The following CPEB2 variants were observed in gnomAD, a reference collection of about 807,000 sequenced individuals.
CPEB2 encodes cytoplasmic polyadenylation element binding protein 2.
In CPEB2, 56 loss-of-function variants were observed where a neutral mutation model predicts 93.6. That is an observed-to-expected ratio of 0.60 (90% CI 0.48 to 0.75). CPEB2 has a LOEUF of 0.75. Among genes scored for constraint, CPEB2 ranks in the 30% least tolerant of loss-of-function variants. CPEB2 has a pLI of 0.00. For missense variants in CPEB2, 1,579 were observed against 1,395.1 expected (o/e 1.13, Z -2.10); for synonymous variants, 764 against 586.3 (o/e 1.30, Z -4.38).
At chr4:15,010,419 A>AG (rs1302006214) in intron 3 of CPEB2, 1 of 152,118 alleles carries the variant, frequency 6.6e-6, no homozygotes, top group African/African-American at 2.4e-5. Flanking sequence ...AAGGCAGTGG[A>AG]GGTAGTATGT....
At chr4:15,026,782 T>C (rs1384399261) in intron 4 of CPEB2, among the ~76,000 whole-genome samples, 3 of 152,366 alleles carry the variant, frequency 2.0e-5, no homozygotes, top group Middle Eastern at 6.8e-3. Context: ...ATAACCATTC[T>C]GGTATAGTTG....
chr4:15,015,110 T>A (rs1466305314), intron 3 of CPEB2, among the ~76,000 whole-genome samples: 1 of 152,034 alleles, frequency 6.6e-6, no homozygotes, highest in East Asian at 1.9e-4. Context: ...AAGTGTGATA[T>A]CCAGACCAGC....
rs1287737906 is a variant in CPEB2 at position 15,058,533 on chromosome 4, C to T, written c.2574C>T (p.Asp858=). 19 of 1,572,186 alleles carry T rather than the reference C, an allele frequency of 1.2e-5. No individual in the cohort carries two copies. The highest frequency in any genetic ancestry group is 1.7e-5 in the Admixed American group (1 of 58,952). ...GTGTTTCTAGCCCTACTATCAAGGACAAACCAGTAAGTAAATACCACATGA... is the reference window on the plus strand; with the variant it reads ...GTGTTTCTAGCCCTACTATCAAGGATAAACCAGTAAGTAAATACCACATGA... ...YLCVSSPTIK[D]KPVQIRPWNL... is the part of the protein sequence containing the mutation. The change falls in exon 9 of 12, where the codon GAC becomes GAT. Residue 858 remains aspartate, a synonymous_variant. Transcript: ENST00000538197.
At chr4:15,032,560 T>G (rs1039496275) in intron 4 of CPEB2, among the ~76,000 whole-genome samples, 28 of 115,648 alleles carry the variant, frequency 2.4e-4, no homozygotes, top group African/African-American at 7.1e-4. Context: ...TCAGCTTTAA[T>G]TTTTTTTATA....
chr4:15,022,123 G>T (rs1397102793), intron 4 of CPEB2, among the ~76,000 whole-genome samples: 2 of 152,168 alleles, frequency 1.3e-5, no homozygotes, highest in Non-Finnish European at 2.9e-5. Context: ...CTGAGACTGT[G>T]TCAACCATGT....
At chr4:15,061,801 A>G (rs931174715) in intron 10 of CPEB2, among the ~76,000 whole-genome samples, 1 of 145,768 alleles carries the variant, frequency 6.9e-6, no homozygotes, top group Non-Finnish European at 1.5e-5. Context: ...GATTGGATTT[A>G]GGAAAGAGCA....
chr4:15,047,572 A>G lies in CPEB2; in HGVS notation c.2201-4842A>G, dbSNP rs968259491. ...CAGTTTATTACTAGCATTTAGAAATAATTTGGTTTTTGTAAATTGAATTTG... is the reference window on the plus strand; with the variant it reads ...CAGTTTATTACTAGCATTTAGAAATGATTTGGTTTTTGTAAATTGAATTTG... On this transcript the variant is annotated intron_variant, in intron 6 of 11. Coordinates refer to ENST00000538197, the MANE Select transcript of CPEB2 (RefSeq NM_001177382.2). Among the ~76,000 whole-genome samples the G allele has an allele frequency of 3.3e-5, 5 of 152,080 alleles. No individual in the cohort carries two copies. In the East Asian group the frequency reaches 9.6e-4, roughly 29 times the overall value.
chr4:15,040,617 T>C (rs1727075818), intron 6 of CPEB2, 130 bp downstream of exon 6: 5 of 769,262 alleles, frequency 6.5e-6, no homozygotes, highest in Non-Finnish European at 1.0e-5. Context: ...ATTTGAGCAC[T>C]TGTCGAAGTT....
chr4:15,042,587 G>A (rs1727293922), intron 6 of CPEB2, among the ~76,000 whole-genome samples: 1 of 152,060 alleles, frequency 6.6e-6, no homozygotes, highest in Non-Finnish European at 1.5e-5. Context: ...CAAATTATAT[G>A]GCCTTAGTAA....
intron 4 of CPEB2, 40 bp from the exon 5 acceptor site, chr4:15,033,112 TTCAAATAAC>T: frequency 1.4e-6 from 2 of 1,380,520 alleles, no homozygotes; most frequent in Non-Finnish European, 2.0e-6. Flanking sequence ...GTTTTTGCTT[TTCAAATAAC>T]TCCATAATCT....
intron 4 of CPEB2, among the ~76,000 whole-genome samples, chr4:15,018,936 TTA>T (rs56945294): frequency 0.025 from 3,384 of 132,948 alleles, 73 homozygotes; most frequent in African/African-American, 0.059. Flanking sequence ...AAGGGGAATT[TTA>T]TATATATATA....
intron 4 of CPEB2, among the ~76,000 whole-genome samples, chr4:15,024,920 A>G (rs1725273027): frequency 6.6e-6 from 1 of 151,066 alleles, no homozygotes; most frequent in Admixed American, 6.6e-5. Context: ...TAATTTTTGT[A>G]TTTTCAGTAG....
chr4:15,030,924 C>T (rs1726024499), intron 4 of CPEB2, among the ~76,000 whole-genome samples: 1 of 151,940 alleles, frequency 6.6e-6, no homozygotes, highest in Non-Finnish European at 1.5e-5. Context: ...TGAACAGGAA[C>T]CTATTAGAGT....
At chr4:15,047,693 C>A (rs1157898332) in intron 6 of CPEB2, among the ~76,000 whole-genome samples, 2 of 151,782 alleles carry the variant, frequency 1.3e-5, no homozygotes, top group South Asian at 2.1e-4. Flanking sequence ...TTTTATTTTT[C>A]TTTGCCAGTG....
At chr4:15,054,304 T>C in intron 8 of CPEB2, 87 bp downstream of exon 8, 2 of 879,932 alleles carry the variant, frequency 2.3e-6, no homozygotes, top group Non-Finnish European at 3.7e-6. Context: ...CAGTTAGGAA[T>C]CATAAGAGAC....
intron 4 of CPEB2, among the ~76,000 whole-genome samples, chr4:15,023,931 G>C (rs1207522746): frequency 1.3e-5 from 2 of 151,974 alleles, no homozygotes; most frequent in Non-Finnish European, 2.9e-5. Flanking sequence ...TTGTATTACT[G>C]AGATAAGGCA....
chr4:15,059,161 A>G (rs763579904), intron 9 of CPEB2, 26 bp from the exon 10 acceptor site: 1 of 1,382,506 alleles, frequency 7.2e-7, no homozygotes, highest in Admixed American at 1.7e-5. Flanking sequence ...TCAAGGGAGT[A>G]AGACCCAATG....
intron 1 of CPEB2, 51 bp from the exon 2 acceptor site, chr4:15,007,254 G>T: frequency 7.3e-7 from 1 of 1,377,118 alleles, no homozygotes; most frequent in South Asian, 2.1e-5. Context: ...ATTTGAATTT[G>T]AATTGTAAAT....
intron 11 of CPEB2, 35 bp from the exon 12 acceptor site, chr4:15,066,118 G>A (rs778982069): frequency 6.5e-7 from 1 of 1,539,252 alleles, no homozygotes; most frequent in East Asian, 2.3e-5. Flanking sequence ...TTCTGAAGCA[G>A]ACCCTAATGA....
Sources: gnomAD v4.1 joint callset for allele counts (sites outside exome capture counted in the v4.1 genomes callset) on GRCh38, gnomAD v4.1.1 for gene constraint, MANE v1.5 for transcripts, NCBI Gene and HGNC (gene_info 2026-07-23, HGNC 2026-07-21) for gene names.